MYO15B: variants seen among roughly 807,000 people sequenced by gnomAD.
MYO15B encodes myosin XVB pseudogene.
A neutral mutation model predicts 119.3 loss-of-function variants in MYO15B; 207 were observed. The ratio of observed to expected loss-of-function variants is 1.73; its 90% CI spans 1.55 to 1.95. MYO15B has a LOEUF of 1.95. Among genes scored for constraint, MYO15B ranks in the 30% most tolerant of loss-of-function variants. The pLI is 0.00. For synonymous variants in MYO15B, 966 were observed against 498.9 expected (o/e 1.94, Z -12.48); for missense variants, 2,264 against 1,203.1 (o/e 1.88, Z -13.04).
At chr17:75,607,724 G>C (rs11654032) in intron 21 of MYO15B, among the ~76,000 whole-genome samples, 27,947 of 151,964 alleles carry the variant, frequency 0.18, 2,639 homozygotes, top group Non-Finnish European at 0.19. Flanking sequence ...GCCTCTCAAA[G>C]TGCTGGGATT....
chr17:75,617,577 G>GA, intron 41 of MYO15B: 1 of 495,992 alleles, frequency 2.0e-6, no homozygotes. Flanking sequence ...GAGGAAGTTA[G>GA]TGGCCCTGGC....
intron 14 of MYO15B, among the ~76,000 whole-genome samples, chr17:75,598,275 G>A (rs820260): frequency 0.66 from 96,606 of 145,602 alleles, 32,582 homozygotes; most frequent in East Asian, 0.77. Flanking sequence ...TCAAAAAAAA[G>A]AAAAGAAAAG....
chr17:75,614,703 A>G lies in MYO15B; in HGVS notation c.5482+20A>G, dbSNP rs1170630159. 2.8e-6 allele frequency: 2 copies of G among 702,458 alleles called. No individual in the cohort carries two copies. The highest frequency in any genetic ancestry group is 5.2e-6 in the Non-Finnish European group (2 of 384,950). The allele number at this position is 702,458 out of a possible 1,614,324, so 43.5% of individuals were successfully genotyped here. A position where few individuals can be genotyped will look rare whatever the true frequency, so the allele number is the denominator to read the frequency against. On this transcript the variant is annotated intron_variant, in intron 31 of 63. Transcript: ENST00000645453. ...ACACAGGTAAGGCTGGAGTGGGCACATGGAGGTTGGCAGAGCATGGGAAGC... is the reference window on the plus strand; with the variant it reads ...ACACAGGTAAGGCTGGAGTGGGCACGTGGAGGTTGGCAGAGCATGGGAAGC...
chr17:75,609,485 ATTTTTTTTT>A (rs749247022), intron 21 of MYO15B, among the ~76,000 whole-genome samples: 10 of 77,996 alleles, frequency 1.3e-4, no homozygotes, highest in Admixed American at 4.6e-4. Flanking sequence ...AAGGGAAATG[ATTTTTTTTT>A]TTTTTTTTTT....
At chr17:75,596,794 C>T (rs994403125) in exon 14 of MYO15B, 2 of 701,762 alleles carry the variant, frequency 2.8e-6, no homozygotes, top group Non-Finnish European at 5.2e-6. Context: ...AGTTGCTGTC[C>T]TGGGTGCCTG....
rs1230369757 is a variant in MYO15B, at chr17:75,602,824, C to G, written c.3730-6C>G. On this transcript the variant is annotated splice_region_variant and splice_polypyrimidine_tract_variant and intron_variant, in intron 16 of 63. Transcript: ENST00000645453. ...GGCCAGCTGACTCAGCCCTTCACCC[C>G]CACAGCTGGTGGGCAGCCTGTTCCA... 2 of 619,908 alleles carry G rather than the reference C, an allele frequency of 3.2e-6. No individual in the cohort carries two copies. Among genetic ancestry groups the G allele is most frequent in the African/African-American group, 1.8e-5 (1 of 54,490 alleles). 38.4% of individuals were successfully genotyped at this position (619,908 alleles called of 1,614,324 possible). A position where few individuals can be genotyped will look rare whatever the true frequency, so the allele number is the denominator to read the frequency against.
intron 53 of MYO15B, among the ~76,000 whole-genome samples, chr17:75,622,605 G>C (rs117154826): frequency 6.6e-6 from 1 of 152,264 alleles, no homozygotes; most frequent in South Asian, 2.1e-4. Flanking sequence ...AGAGAGACTC[G>C]GCTTACATTT....
chr17:75,597,387 C>T (rs1444306372), intron 14 of MYO15B, among the ~76,000 whole-genome samples: 1 of 152,230 alleles, frequency 6.6e-6, no homozygotes, highest in African/African-American at 2.4e-5. Context: ...CGTTTCAGCG[C>T]GCGTCCACAT....
chr17:75,615,013 T>C (rs779778356), exon 33 of MYO15B: 11 of 702,944 alleles, frequency 1.6e-5, no homozygotes, highest in Middle Eastern at 2.3e-4. Context: ...GGGGGCGCCA[T>C]TGGGCCCACA....
chr17:75,589,865 C>T lies in MYO15B; in HGVS notation c.1808C>T (p.Ser603Phe), dbSNP rs1390993137. Residue 603 changes from serine (S) to phenylalanine (F), a missense_variant, in exon 1 of 64, where the codon TCC becomes TTC. Transcript: ENST00000645453. This position sits in a 1 kb window ranked among gnomAD's most constrained non-coding sequence, Gnocchi z 4.2. ...GGGGTGTCCGGGCTTCGTCGCGGCTCCCTCCTTGCCCCGACTGCACCCGAC... is the reference window on the plus strand; with the variant it reads ...GGGGTGTCCGGGCTTCGTCGCGGCTTCCTCCTTGCCCCGACTGCACCCGAC... 4 of 398,392 alleles carry T rather than the reference C, an allele frequency of 1.0e-5. No individual in the cohort carries two copies. Among genetic ancestry groups the T allele is most frequent in the Admixed American group, 4.4e-5 (1 of 22,724 alleles). 24.7% of individuals were successfully genotyped at this position (398,392 alleles called of 1,614,324 possible). A position where few individuals can be genotyped will look rare whatever the true frequency, so the allele number is the denominator to read the frequency against.
rs1302237677 is a variant in MYO15B, at chr17:75,589,983, C to T, written c.1926C>T (p.Gly642=). ...CGGTGCGCTGGGCGCAGGGCTCAGG[C>T]CCCCACGAGGGTCCTAGGCTTGGCG... The change falls in exon 1 of 64, where the codon GGC becomes GGT. Residue 642 remains glycine (G), a synonymous_variant. Coordinates refer to ENST00000645453, the Ensembl canonical transcript of MYO15B. This position sits in a 1 kb window ranked among gnomAD's most constrained non-coding sequence, Gnocchi z 4.2. The T allele has an allele frequency of 2.5e-6, 1 of 398,718 alleles. No individual in the cohort carries two copies. Among genetic ancestry groups the T allele is most frequent in the Non-Finnish European group, 4.4e-6 (1 of 225,962 alleles). 24.7% of individuals were successfully genotyped at this position (398,718 alleles called of 1,614,324 possible). A position where few individuals can be genotyped will look rare whatever the true frequency, so the allele number is the denominator to read the frequency against.
intron 20 of MYO15B, 87 bp downstream of exon 20, chr17:75,605,708 T>C (rs996555373): frequency 8.8e-6 from 6 of 679,680 alleles, no homozygotes; most frequent in African/African-American, 8.8e-5. Flanking sequence ...AACCCAGGAT[T>C]TGGGGATCCA....
chr17:75,617,458 C>G (rs1374392309), intron 41 of MYO15B, 154 bp downstream of exon 41: 1 of 556,106 alleles, frequency 1.8e-6, no homozygotes, highest in Non-Finnish European at 3.2e-6. Flanking sequence ...GCTGGGGAGT[C>G]CCAGCTTCCG....
chr17:75,613,984 A>G (rs2058197383), intron 29 of MYO15B: 3 of 598,540 alleles, frequency 5.0e-6, no homozygotes, highest in Non-Finnish European at 8.9e-6. Flanking sequence ...TCAGCAGGTC[A>G]GAAAAGAAAT....
At chr17:75,615,571 A>G in exon 35 of MYO15B, 1 of 701,566 alleles carries the variant, frequency 1.4e-6, no homozygotes, top group Non-Finnish European at 2.6e-6. Flanking sequence ...CCAGCAGCAG[A>G]ACTTTATCCA....
chr17:75,596,847 A>G (rs1391165710), exon 14 of MYO15B: 3 of 702,936 alleles, frequency 4.3e-6, no homozygotes, highest in Non-Finnish European at 7.8e-6. Context: ...CTCCTGGTAG[A>G]TCAGCCCCAC....
chr17:75,626,373 G>A, intron 63 of MYO15B, 34 bp from the exon 64 acceptor site: 2 of 702,976 alleles, frequency 2.8e-6, no homozygotes, highest in Non-Finnish European at 5.2e-6. Context: ...GGCTGGCTGG[G>A]GAGCCCTCTT....
chr17:75,619,475 C>T (rs571291270), exon 45 of MYO15B: 4 of 702,056 alleles, frequency 5.7e-6, no homozygotes, highest in South Asian at 4.4e-5. Context: ...TTTCCTGTCT[C>T]GGTCAGTGGC....
chr17:75,612,489 A>G (rs541595663), intron 25 of MYO15B, among the ~76,000 whole-genome samples: 1 of 152,232 alleles, frequency 6.6e-6, no homozygotes, highest in Admixed American at 6.5e-5. Flanking sequence ...CCTGGCCAAC[A>G]TGGTGAAACC....
Sources: gnomAD v4.1 joint callset for allele counts (sites outside exome capture counted in the v4.1 genomes callset) on GRCh38, gnomAD v4.1.1 for gene constraint, Gnocchi (gnomAD v3.1) non-coding constraint, MANE v1.5 for transcripts, NCBI Gene and HGNC (gene_info 2026-07-23, HGNC 2026-07-21) for gene names.